ZDHHC20: variants seen among roughly 807,000 people sequenced by gnomAD.
ZDHHC20 encodes zDHHC palmitoyltransferase 20, also known as palmitoyltransferase ZDHHC20.
ZDHHC20 carries 43 observed loss-of-function variants against 57.8 expected under a neutral mutation model. That is an observed-to-expected ratio of 0.74 (90% CI 0.58 to 0.96). The LOEUF is 0.96. Among genes scored for constraint, ZDHHC20 ranks in the 40% least tolerant of loss-of-function variants. The pLI, the probability that ZDHHC20 is intolerant of heterozygous loss-of-function variation, is 0.00. For missense variants in ZDHHC20, 391 were observed against 441.1 expected (o/e 0.89, Z 1.02); for synonymous variants, 157 against 153.0 (o/e 1.03, Z -0.19).
chr13:21,378,007 C>G (rs1293403661), intron 12 of ZDHHC20: 1 of 152,028 alleles, frequency 6.6e-6, no homozygotes, highest in Admixed American at 6.6e-5. Flanking sequence ...TTCTCTGGGT[C>G]GAATTTCCTC....
intron 1 of ZDHHC20, among the ~76,000 whole-genome samples, chr13:21,450,757 G>GTTTT (rs759841531): frequency 2.1e-5 from 3 of 141,108 alleles, no homozygotes; most frequent in African/African-American, 7.7e-5. Flanking sequence ...TAAAAAGGTG[G>GTTTT]TTTTTTTTTT....
intron 1 of ZDHHC20, among the ~76,000 whole-genome samples, chr13:21,440,146 G>A (rs919623046): frequency 6.6e-6 from 1 of 150,958 alleles, no homozygotes; most frequent in Non-Finnish European, 1.5e-5. Flanking sequence ...AGGTAAAGGG[G>A]CATTAGCTCT....
intron 1 of ZDHHC20, among the ~76,000 whole-genome samples, chr13:21,441,178 G>A (rs1456988847): frequency 1.3e-5 from 2 of 152,092 alleles, no homozygotes; most frequent in Admixed American, 1.3e-4. Context: ...CATTAATTGG[G>A]GGAGAACTGG....
In ZDHHC20 at chr13:21,439,792, C is replaced by T. The variant is rs144262735; in HGVS notation, c.119-14114G>A. Among the ~76,000 whole-genome samples, 236 of 152,006 alleles carry T rather than the reference C, an allele frequency of 1.6e-3. 1 individual carries two copies. The highest frequency in any genetic ancestry group is 6.8e-3 in the Middle Eastern group (2 of 294). On this transcript the variant is annotated intron_variant, in intron 1 of 12. Transcript: ENST00000400590. ...GTTATATAATATTCTAATTCCCAGG[C>T]GCGGTGGCTCATGCCTGTAATACCA...
At chr13:21,389,966 C>G (rs1555255494) in intron 8 of ZDHHC20, among the ~76,000 whole-genome samples, 1 of 150,820 alleles carries the variant, frequency 6.6e-6, no homozygotes, top group Non-Finnish European at 1.5e-5. Context: ...ATAAAGATGA[C>G]AAAAAAAAGT....
At chr13:21,459,021 C>T in intron 1 of ZDHHC20, 33 bp downstream of exon 1, 1 of 1,537,988 alleles carries the variant, frequency 6.5e-7, no homozygotes, top group Non-Finnish European at 8.8e-7. Flanking sequence ...CCGCGGCCCG[C>T]GCCCCGCCGC....
intron 7 of ZDHHC20, among the ~76,000 whole-genome samples, chr13:21,392,055 A>G (rs570913478): frequency 6.6e-6 from 1 of 152,316 alleles, no homozygotes; most frequent in African/African-American, 2.4e-5. Context: ...GAGTTCAGGA[A>G]GAGTTATTTA....
intron 1 of ZDHHC20, among the ~76,000 whole-genome samples, chr13:21,437,905 A>G (rs1882720148): frequency 6.6e-6 from 1 of 152,108 alleles, no homozygotes; most frequent in Non-Finnish European, 1.5e-5. Flanking sequence ...GTTAGCCAGG[A>G]TGGTCTCGAT....
chr13:21,390,247 C>T (rs887999251), intron 8 of ZDHHC20: 8 of 152,168 alleles, frequency 5.3e-5, no homozygotes, highest in African/African-American at 1.7e-4. Context: ...TTTTACAAAA[C>T]ACTACCGTAA....
chr13:21,450,800 G>C (rs923912073), intron 1 of ZDHHC20, among the ~76,000 whole-genome samples: 1 of 151,670 alleles, frequency 6.6e-6, no homozygotes, highest in African/African-American at 2.4e-5. Flanking sequence ...TGTAACTCAG[G>C]CTGGAGTGCA....
chr13:21,438,192 GCC>G (rs1480453320), intron 1 of ZDHHC20, among the ~76,000 whole-genome samples: 2 of 152,146 alleles, frequency 1.3e-5, no homozygotes, highest in Non-Finnish European at 2.9e-5. Context: ...CAACTTTCAA[GCC>G]TTATTATTTA....
At chr13:21,429,151 T>A (rs993249430) in intron 1 of ZDHHC20, among the ~76,000 whole-genome samples, 1 of 152,198 alleles carries the variant, frequency 6.6e-6, no homozygotes, top group Non-Finnish European at 1.5e-5. Context: ...TATACTTGTA[T>A]CTACTATGGC....
At chr13:21,386,595 C>CTGCA (rs1308450590) in intron 9 of ZDHHC20, among the ~76,000 whole-genome samples, 1 of 152,200 alleles carries the variant, frequency 6.6e-6, no homozygotes, top group Non-Finnish European at 1.5e-5. Context: ...GTTGCCCAGG[C>CTGCA]TGCAATGTGT....
intron 11 of ZDHHC20, among the ~76,000 whole-genome samples, chr13:21,379,022 T>C (rs770421793): frequency 6.6e-6 from 1 of 152,188 alleles, no homozygotes; most frequent in Non-Finnish European, 1.5e-5. Context: ...TTTCCCTAGA[T>C]TGTTATTTTT....
chr13:21,433,019 A>G (rs1191947637), intron 1 of ZDHHC20, among the ~76,000 whole-genome samples: 2 of 152,246 alleles, frequency 1.3e-5, no homozygotes, highest in African/African-American at 4.8e-5. Context: ...TCTTGATTAC[A>G]TATAGCTTTC....
chr13:21,377,747 T>C (rs1872486752), intron 12 of ZDHHC20: 1 of 165,316 alleles, frequency 6.0e-6, no homozygotes, highest in Non-Finnish European at 1.3e-5. Flanking sequence ...CTCCAGGTCC[T>C]CTGCAAGGAC....
chr13:21,424,340 C>G (rs1462262306), intron 2 of ZDHHC20, among the ~76,000 whole-genome samples: 3 of 152,146 alleles, frequency 2.0e-5, no homozygotes, highest in Non-Finnish European at 4.4e-5. Flanking sequence ...ATACCAAACT[C>G]TGTGTTCAGA....
Position 21,454,282 on chromosome 13 carries a change from C to T in ZDHHC20, c.118+4772G>A, listed in dbSNP as rs556814790. Among the ~76,000 whole-genome samples the T allele has an allele frequency of 2.6e-5, 4 of 152,198 alleles. No homozygotes were observed. In the East Asian group the frequency reaches 5.8e-4, roughly 22 times the overall value. On this transcript the variant is annotated intron_variant, in intron 1 of 12. Transcript: ENST00000400590. The stretch of plus-strand genomic sequence containing the variant: ...AGGAGGTTGCAGTGAGCCAAGATCG[C>T]CACATTGCACTGAAGCTTGGGCAAC...
Position 21,459,242 on chromosome 13 carries a change from T to A in ZDHHC20, c.-71A>T. 1 of 1,256,238 alleles carries A rather than the reference T, an allele frequency of 8.0e-7. No homozygotes were observed. Among genetic ancestry groups the A allele is most frequent in the Non-Finnish European group, 1.1e-6 (1 of 910,490 alleles). 77.8% of individuals were successfully genotyped at this position (1,256,238 alleles called of 1,614,324 possible). ...GCGCGGGAGCCCCGGCGACGGTGAC[T>A]CGGACGCTCCAGGCGGCTGCTGGTC... is the stretch of plus-strand genomic sequence containing the variant. On this transcript the variant is annotated 5_prime_UTR_variant, in exon 1 of 13. Transcript: ENST00000400590.
Sources: gnomAD v4.1 joint callset for allele counts (sites outside exome capture counted in the v4.1 genomes callset) on GRCh38, gnomAD v4.1.1 for gene constraint, MANE v1.5 for transcripts, NCBI Gene and HGNC (gene_info 2026-07-23, HGNC 2026-07-21) for gene names.